Variants in PDCD1LG2 observed in about 807,000 individuals in gnomAD.
PDCD1LG2 encodes the protein B7 dendritic cell molecule.
In PDCD1LG2, 32 loss-of-function variants were observed where a neutral mutation model predicts 28.2. The ratio of observed to expected loss-of-function variants is 1.13; its 90% CI spans 0.86 to 1.52. The LOEUF (loss-of-function observed/expected upper bound fraction) is 1.52. PDCD1LG2 is among the 40% of genes most tolerant of loss of function. The pLI is 0.00. For synonymous variants in PDCD1LG2, 116 were observed against 120.2 expected, an observed-to-expected ratio of 0.97 and a Z score of 0.23; for missense variants, 385 against 323.8, an observed-to-expected ratio of 1.19 and a Z score of -1.45.
At position 5,549,506 on chromosome 9, in the gene PDCD1LG2, G is replaced by C. The variant is rs1361745399; in HGVS notation, c.533G>C (p.Ser178Thr). 1.9e-6 allele frequency: 3 copies of C among 1,614,062 alleles called. No homozygotes were observed. In the East Asian group the frequency reaches 6.7e-5, roughly 36 times the overall value. ...CCTGAAGGCCTCTACCAGGTCACCA[G>C]TGTTCTGCGCCTAAAGCCACCCCCT... ...RTPEGLYQVT[S>T]VLRLKPPPGR... The change falls in exon 4 of 7, where the codon AGT becomes ACT. Residue 178 changes from serine (S) to threonine (T), a missense_variant. Physicochemically the swap from Ser to Thr is moderately conservative, Grantham distance 58 (BLOSUM62 1). Transcript: ENST00000397747.
At chr9:5,533,102 CAA>C (rs981054064) in intron 2 of PDCD1LG2, among the ~76,000 whole-genome samples, 1 of 152,230 alleles carries the variant, frequency 6.6e-6, no homozygotes, top group African/African-American at 2.4e-5. Flanking sequence ...AAGCAGCTCC[CAA>C]ATATTTGTTG....
intron 3 of PDCD1LG2, among the ~76,000 whole-genome samples, chr9:5,537,614 C>G (rs564706554): frequency 1.3e-4 from 20 of 152,266 alleles, no homozygotes; most frequent in African/African-American, 4.6e-4. Flanking sequence ...TCATTCTCAG[C>G]AAACTATCCC....
chr9:5,550,094 T>TCTAGTACAATAG (rs1816299419), intron 4 of PDCD1LG2, among the ~76,000 whole-genome samples: 1 of 152,198 alleles, frequency 6.6e-6, no homozygotes. Flanking sequence ...ACAGAAAATA[T>TCTAGTACAATAG]CTAGTACAAT....
At chr9:5,545,483 C>T (rs989742502) in intron 3 of PDCD1LG2, among the ~76,000 whole-genome samples, 4 of 152,094 alleles carry the variant, frequency 2.6e-5, no homozygotes, top group Non-Finnish European at 5.9e-5. Flanking sequence ...TGTTTTCAGG[C>T]AAAAGTTATT....
intron 1 of PDCD1LG2, among the ~76,000 whole-genome samples, chr9:5,515,371 A>G (rs570706860): frequency 4.6e-5 from 7 of 152,356 alleles, no homozygotes; most frequent in East Asian, 1.9e-4. Flanking sequence ...ATTCAGCTAC[A>G]TAAGTGTTTC....
chr9:5,520,135 A>T (rs982880646), intron 1 of PDCD1LG2, among the ~76,000 whole-genome samples: 1 of 152,198 alleles, frequency 6.6e-6, no homozygotes, highest in African/African-American at 2.4e-5. Flanking sequence ...CCCTAAAAAA[A>T]AATCTTGAAA....
rs1424068152 is a variant in PDCD1LG2 at position 5,541,836 on chromosome 9, T to A, written c.361+6786T>A. Reference sequence around the variant, plus strand: ...AAAAGTAGAAAAAGAAATCCTAAAATTCATATGGAACCAAAAAAGAGCCCA... The same window carrying A: ...AAAAGTAGAAAAAGAAATCCTAAAAATCATATGGAACCAAAAAAGAGCCCA... On this transcript the variant is annotated intron_variant, in intron 3 of 6. Transcript: ENST00000397747. 3.3e-5 allele frequency among the ~76,000 whole-genome samples: 5 copies of A among 151,968 alleles called. No individual in the cohort carries two copies. In the East Asian group the frequency reaches 9.6e-4, roughly 29 times the overall value.
intron 4 of PDCD1LG2, among the ~76,000 whole-genome samples, chr9:5,553,501 G>A (rs1816378131): frequency 6.6e-6 from 1 of 152,120 alleles, no homozygotes; most frequent in Non-Finnish European, 1.5e-5. Context: ...ACCTCTCCAG[G>A]GAAACAGGGG....
intron 2 of PDCD1LG2, among the ~76,000 whole-genome samples, chr9:5,527,951 C>T (rs922873103): frequency 6.6e-6 from 1 of 152,058 alleles, no homozygotes; most frequent in Non-Finnish European, 1.5e-5. Flanking sequence ...GCCTCAGCCT[C>T]CCAAGTAGCT....
At chr9:5,517,393 A>T (rs190320913) in intron 1 of PDCD1LG2, among the ~76,000 whole-genome samples, 3 of 152,266 alleles carry the variant, frequency 2.0e-5, no homozygotes, top group Admixed American at 2.0e-4. Flanking sequence ...ACTGCAATGG[A>T]TGGCGGTTGG....
In PDCD1LG2 at chr9:5,515,479, C is replaced by T. The variant is rs904863571; in HGVS notation, c.-15+4676C>T. On this transcript the variant is annotated intron_variant, in intron 1 of 6. Coordinates refer to ENST00000397747, the MANE Select transcript of PDCD1LG2 (RefSeq NM_025239.4). Reference sequence around the variant, plus strand: ...GTGGACAACTGGAGGGTGAGCAAGGCGGAGAGGAGCTTCGTTGAGTGACAG... The same window carrying T: ...GTGGACAACTGGAGGGTGAGCAAGGTGGAGAGGAGCTTCGTTGAGTGACAG... Among the ~76,000 whole-genome samples the T allele has an allele frequency of 5.9e-5, 9 of 152,116 alleles. No individual in the cohort carries two copies. The East Asian group carries it at 7.7e-4, about 13-fold the overall frequency.
intron 1 of PDCD1LG2, among the ~76,000 whole-genome samples, chr9:5,513,073 CA>C (rs992143441): frequency 4.7e-5 from 7 of 149,922 alleles, no homozygotes; most frequent in South Asian, 2.1e-4. Context: ...ATTCTATACT[CA>C]AAAAAAAAAT....
Position 5,542,364 on chromosome 9 carries a change from C to G in PDCD1LG2, c.362-6971C>G, listed in dbSNP as rs574612421. ...ACTTAATTAAACTAAAAAGCTTCTG[C>G]ACAGCAAAAGAAATAATCAGCAGAG... On this transcript the variant is annotated intron_variant, in intron 3 of 6. Transcript: ENST00000397747. Among the ~76,000 whole-genome samples the G allele has an allele frequency of 7.3e-4, 107 of 146,556 alleles. 4 individuals carry two copies. In the South Asian group the frequency reaches 0.022, roughly 30 times the overall value.
intron 4 of PDCD1LG2, among the ~76,000 whole-genome samples, chr9:5,551,221 T>C (rs916311299): frequency 6.6e-6 from 1 of 152,222 alleles, no homozygotes. Context: ...AGAAGGGATA[T>C]ACTCTCAGAC....
In PDCD1LG2 at chr9:5,537,979, G is replaced by A. The variant is rs553727628; in HGVS notation, c.361+2929G>A. ...CAATAGCTATAAATATTTTGTTGTT[G>A]TAAAGACATATAACGATAATCAATA... On this transcript the variant is annotated intron_variant, in intron 3 of 6. Coordinates refer to ENST00000397747, the MANE Select transcript of PDCD1LG2 (RefSeq NM_025239.4). Among the ~76,000 whole-genome samples the A allele has an allele frequency of 4.7e-4, 71 of 152,190 alleles. 1 individual carries two copies. The highest frequency in any genetic ancestry group is 8.2e-4 in the Non-Finnish European group (56 of 67,992).
chr9:5,557,070 G>C (rs1367752348), intron 4 of PDCD1LG2, among the ~76,000 whole-genome samples: 1 of 152,130 alleles, frequency 6.6e-6, no homozygotes, highest in Non-Finnish European at 1.5e-5. Context: ...TCTTCCAAAA[G>C]GATCCTGTTA....
intron 3 of PDCD1LG2, among the ~76,000 whole-genome samples, chr9:5,540,729 T>C (rs769257820): frequency 6.6e-5 from 10 of 151,792 alleles, no homozygotes; most frequent in Non-Finnish European, 1.3e-4. Context: ...TTTAAAATTG[T>C]CAACAAAAAA....
chr9:5,529,314 T>G (rs900294697), intron 2 of PDCD1LG2, among the ~76,000 whole-genome samples: 8 of 152,338 alleles, frequency 5.3e-5, no homozygotes, highest in African/African-American at 1.7e-4. Flanking sequence ...ATAATCCATT[T>G]TAATTTTTAT....
chr9:5,545,239 C>T (rs1024549710), intron 3 of PDCD1LG2, among the ~76,000 whole-genome samples: 20 of 152,230 alleles, frequency 1.3e-4, no homozygotes, highest in African/African-American at 4.6e-4. Context: ...GGTCATATAA[C>T]TAGCCCTTGG....
Sources: gnomAD v4.1 joint callset for allele counts (sites outside exome capture counted in the v4.1 genomes callset) on GRCh38, gnomAD v4.1.1 for gene constraint, MANE v1.5 for transcripts, NCBI Gene and HGNC (gene_info 2026-07-23, HGNC 2026-07-21) for gene names.